The following IGSF10 variants were observed in gnomAD, a reference collection of about 807,000 sequenced individuals.
IGSF10 encodes calvaria mechanical force protein 608.
Under a neutral mutation model 128.2 loss-of-function variants are expected in IGSF10, and 126 were observed. The ratio of observed to expected loss-of-function variants is 0.98; its 90% CI spans 0.85 to 1.14. IGSF10 has a LOEUF of 1.14. IGSF10 is among the 50% of genes most tolerant of loss of function. The probability of loss-of-function intolerance (pLI) is 0.00; values close to 1 mark genes in which losing one functional copy is unlikely to be tolerated. For synonymous variants in IGSF10, 1,185 were observed against 1,146.2 expected, an observed-to-expected ratio of 1.03 and a Z score of -0.68; for missense variants, 3,295 against 3,149.8, an observed-to-expected ratio of 1.05 and a Z score of -1.10.
the IGSF10 span, among the ~76,000 whole-genome samples, chr3:151,475,226 C>T: frequency 6.6e-6 from 1 of 152,104 alleles, no homozygotes; most frequent in Non-Finnish European, 1.5e-5. Context: ...CATATTGACA[C>T]CCAAGAAGAC....
rs764014475 is a variant in IGSF10, at chr3:151,443,518, A to G, written c.5429T>C (p.Leu1810Pro). ...TVDGTLVLHN[L>P]SIYDRGFYKC... ...GTAAAAGCCACGGTCATAAATACTG[A>G]GATTGTGGAGGACCAATGTTCCGTC... The change falls in exon 7 of 8, where the codon CTC becomes CCC. Residue 1810 changes from leucine to proline, a missense_variant. Leu to Pro is a moderately conservative substitution (Grantham distance 98). Transcript: ENST00000282466. 4 of 1,614,198 alleles carry G rather than the reference A, an allele frequency of 2.5e-6. No individual in the cohort carries two copies. In the African/African-American group the frequency reaches 4.0e-5, roughly 16 times the overall value.
At chr3:151,500,663 AAAGC>A in the IGSF10 span, among the ~76,000 whole-genome samples, 4 of 152,176 alleles carry the variant, frequency 2.6e-5, no homozygotes, top group African/African-American at 4.8e-5. Flanking sequence ...GAGACTCAAA[AAAGC>A]AATAAGTGAC....
the IGSF10 span, among the ~76,000 whole-genome samples, chr3:151,552,848 T>G: frequency 1.3e-5 from 2 of 152,100 alleles, no homozygotes; most frequent in Non-Finnish European, 2.9e-5. Context: ...AAAATGAAAT[T>G]AGTCATGATA....
At chr3:151,557,466 C>T in the IGSF10 span, among the ~76,000 whole-genome samples, 2 of 152,046 alleles carry the variant, frequency 1.3e-5, no homozygotes, top group Non-Finnish European at 2.9e-5. Context: ...AAAGATCTGG[C>T]CTTTAGTTAG....
intron 7 of IGSF10, among the ~76,000 whole-genome samples, chr3:151,439,562 C>T (rs551067913): frequency 6.6e-6 from 1 of 151,444 alleles, no homozygotes; most frequent in South Asian, 2.1e-4. Flanking sequence ...TGCAGTGAGC[C>T]GAGATCACAC....
chr3:151,604,901 A>G, the IGSF10 span, among the ~76,000 whole-genome samples: 7 of 152,208 alleles, frequency 4.6e-5, no homozygotes, highest in African/African-American at 1.4e-4. Flanking sequence ...CAATCAATAC[A>G]TAACTTTGTT....
the IGSF10 span, among the ~76,000 whole-genome samples, chr3:151,525,530 G>A: frequency 2.2e-4 from 33 of 152,256 alleles, no homozygotes; most frequent in Middle Eastern, 6.8e-3. Flanking sequence ...TAAGGTCTCA[G>A]ATGTGTTGAG....
the IGSF10 span, among the ~76,000 whole-genome samples, chr3:151,471,494 C>A: frequency 6.6e-6 from 1 of 152,194 alleles, no homozygotes; most frequent in African/African-American, 2.4e-5. Flanking sequence ...GAGAAGGGAA[C>A]TCTTCCTCAA....
In IGSF10 at chr3:151,453,492, C is replaced by A. The variant is rs761100372; in HGVS notation, c.607G>T (p.Glu203Ter). The A allele has an allele frequency of 1.2e-6, 2 of 1,613,968 alleles. No homozygotes were observed. The highest frequency in any genetic ancestry group is 3.3e-5 in the Admixed American group (2 of 60,018). ...AGGTCAGGCATATAGGAGACCATCT[C>A]TTGAGGGAGGGAGGTCAGGAAGTTA... ...SDNFLTSLPQ[E>*]MVSYMPDLDS... The change falls in exon 5 of 8, where the codon GAG becomes TAG. Residue 203 changes from glutamate to a stop codon, truncating the protein, a stop_gained. Coordinates refer to ENST00000282466, the MANE Select transcript of IGSF10 (RefSeq NM_178822.5). LOFTEE classifies it high-confidence loss of function.
At chr3:151,486,171 T>C in the IGSF10 span, among the ~76,000 whole-genome samples, 1 of 152,088 alleles carries the variant, frequency 6.6e-6, no homozygotes. Context: ...GTTGCAATCC[T>C]AGTATCTGAT....
chr3:151,454,409 G>A (rs1721676962), intron 4 of IGSF10, among the ~76,000 whole-genome samples: 1 of 152,166 alleles, frequency 6.6e-6, no homozygotes, highest in African/African-American at 2.4e-5. Context: ...AGTACTTACA[G>A]ATGAATATTA....
chr3:151,437,346 A>G lies in IGSF10; in HGVS notation c.7215T>C (p.Asp2405=). The change falls in exon 8 of 8, where the codon GAT becomes GAC. Residue 2405 remains aspartate (D), a synonymous_variant. Coordinates refer to ENST00000282466, the MANE Select transcript of IGSF10 (RefSeq NM_178822.5). Reference sequence around the variant, plus strand: ...TAGCTGCACAGCGATATTTTCCTGCATCCTCCCGAGTTGTTTTAGAAATGA... The same window carrying G: ...TAGCTGCACAGCGATATTTTCCTGCGTCCTCCCGAGTTGTTTTAGAAATGA... The part of the protein sequence containing the change: ...SFIISKTTRE[D]AGKYRCAARN... 6.2e-7 allele frequency: 1 copy of G among 1,614,188 alleles called. No homozygotes were observed. The highest frequency in any genetic ancestry group is 8.5e-7 in the Non-Finnish European group (1 of 1,180,032).
the IGSF10 span, among the ~76,000 whole-genome samples, chr3:151,494,848 T>C: frequency 2.5e-4 from 38 of 152,286 alleles, no homozygotes; most frequent in East Asian, 2.1e-3. Context: ...CTGACAATTG[T>C]ATTTTAAGGC....
chr3:151,557,023 C>T, the IGSF10 span, among the ~76,000 whole-genome samples: 762 of 152,046 alleles, frequency 5.0e-3, 11 homozygotes, highest in African/African-American at 0.017. Context: ...ACAAAAGGTG[C>T]GGTAAGGGGA....
chr3:151,524,357 A>T, the IGSF10 span, among the ~76,000 whole-genome samples: 2 of 152,208 alleles, frequency 1.3e-5, no homozygotes, highest in African/African-American at 4.8e-5. Flanking sequence ...TATTCACAAT[A>T]GCAAAGACAT....
rs1482405313 is a variant in IGSF10, at chr3:151,443,846, G to T, written c.5101C>A (p.Gln1701Lys). 6.2e-7 allele frequency: 1 copy of T among 1,612,866 alleles called. No individual in the cohort carries two copies. The highest frequency in any genetic ancestry group is 8.5e-7 in the Non-Finnish European group (1 of 1,179,208). Residue 1701 changes from glutamine to lysine, a missense_variant, in exon 7 of 8, where the codon CAG (glutamine) becomes AAG (lysine). By Grantham distance (53) the Gln-to-Lys change is moderately conservative. Coordinates refer to ENST00000282466, the MANE Select transcript of IGSF10 (RefSeq NM_178822.5). ...LSKRKQNSRV[Q>K]VLPNGTLSIQ... is the part of the protein sequence containing the mutation. ...GACAGGGTACCATTGGGGAGAACCT[G>T]GACCCTGCTATTCTGTTTCCTCTTA...
chr3:151,489,874 G>A, the IGSF10 span, among the ~76,000 whole-genome samples: 2 of 152,088 alleles, frequency 1.3e-5, no homozygotes, highest in South Asian at 2.1e-4. Context: ...TAATGTAGAT[G>A]ATGGGTTGAT....
the IGSF10 span, among the ~76,000 whole-genome samples, chr3:151,614,078 C>A: frequency 6.6e-6 from 1 of 152,318 alleles, no homozygotes; most frequent in African/African-American, 2.4e-5. Flanking sequence ...AAATGCTCAT[C>A]ATCACTGGCC....
Position 151,446,850 on chromosome 3 carries a change from C to T in IGSF10, c.3131G>A (p.Arg1044Lys). The T allele has an allele frequency of 6.2e-7, 1 of 1,614,208 alleles. No individual in the cohort carries two copies. The highest frequency in any genetic ancestry group is 8.5e-7 in the Non-Finnish European group (1 of 1,180,034). Reference protein sequence around the residue: ...HRYSIFRSTTRGSSEKSTTAF... With the variant: ...HRYSIFRSTTKGSSEKSTTAF... ...AGTAGTGCTTTTTTCAGAAGAACCT[C>T]TGGTTGTTGACCTGAAAATGCTGTA... is the stretch of plus-strand genomic sequence containing the variant. The change falls in exon 6 of 8, where the codon AGA becomes AAA. Residue 1044 changes from arginine (R) to lysine (K), a missense_variant. Arg to Lys is a conservative substitution (Grantham distance 26). Transcript: ENST00000282466.
Sources: gnomAD v4.1 joint callset for allele counts (sites outside exome capture counted in the v4.1 genomes callset) on GRCh38, gnomAD v4.1.1 for gene constraint, MANE v1.5 for transcripts, NCBI Gene and HGNC (gene_info 2026-07-23, HGNC 2026-07-21) for gene names.